The following CDK15 variants were observed in gnomAD, a reference collection of about 807,000 sequenced individuals.
The protein encoded by CDK15 is cyclin dependent kinase 15, also known as cyclin-dependent kinase 15.
CDK15 carries 62 observed loss-of-function variants against 60.3 expected under a neutral mutation model. The observed-to-expected ratio is 1.03, with a 90% CI of 0.84 to 1.27. The LOEUF is 1.27. Ranked by LOEUF, CDK15 falls within the 50% of genes most tolerant of loss-of-function variation. CDK15 has a pLI of 0.00. For synonymous variants in CDK15, 194 were observed against 195.7 expected, an observed-to-expected ratio of 0.99 and a Z score of 0.07; for missense variants, 541 against 527.8, an observed-to-expected ratio of 1.03 and a Z score of -0.25.
intron 11 of CDK15, chr2:201,876,596 T>C (rs1411798642): frequency 7.8e-7 from 1 of 1,287,624 alleles, no homozygotes; most frequent in Admixed American, 2.3e-5. Flanking sequence ...AGAAGCAAAG[T>C]GCAGCAGTCA....
In CDK15 at chr2:201,835,698, C is replaced by G; in HGVS notation, c.786C>G (p.Thr262=). The stretch of plus-strand genomic sequence containing the variant: ...AGACATACTCTTCAGAAGTCGTGAC[C>G]CTCTGGTACCGGCCCCCTGATGCTT... ...PSQTYSSEVV[T]LWYRPPDALL... is the part of the protein sequence containing the mutation. The change falls in exon 8 of 14, where the codon ACC becomes ACG. Residue 262 remains threonine (T), a synonymous_variant. Transcript: ENST00000652192. 1 of 1,611,372 alleles carries G rather than the reference C, an allele frequency of 6.2e-7. No individual in the cohort carries two copies.
intron 12 of CDK15, among the ~76,000 whole-genome samples, chr2:201,888,033 CTTTTTT>C (rs80136808): frequency 2.4e-5 from 3 of 126,444 alleles, no homozygotes; most frequent in Admixed American, 8.1e-5. Flanking sequence ...AATTTTCAAC[CTTTTTT>C]TTTTTTTTTT....
At chr2:201,836,010 T>TTA (rs1237873883) in intron 8 of CDK15, among the ~76,000 whole-genome samples, 3 of 114,048 alleles carry the variant, frequency 2.6e-5, no homozygotes, top group Non-Finnish European at 5.2e-5. Flanking sequence ...ATTTATATTT[T>TTA]TATATTTTTA....
intron 1 of CDK15, among the ~76,000 whole-genome samples, chr2:201,807,067 C>T (rs1695542951): frequency 6.6e-6 from 1 of 152,082 alleles, no homozygotes; most frequent in Non-Finnish European, 1.5e-5. Context: ...TCCTAAATTA[C>T]AGAGCTGAAA....
chr2:201,886,368 C>G (rs1574943852), intron 12 of CDK15, among the ~76,000 whole-genome samples: 2 of 151,500 alleles, frequency 1.3e-5, no homozygotes, highest in Admixed American at 1.3e-4. Context: ...TCTTGTCGCC[C>G]AGGCTGGAGC....
chr2:201,856,705 C>T (rs190975901), intron 10 of CDK15, among the ~76,000 whole-genome samples: 20 of 152,206 alleles, frequency 1.3e-4, no homozygotes, highest in African/African-American at 4.6e-4. Flanking sequence ...ACTGAGAATG[C>T]CAGCAGAAGT....
intron 6 of CDK15, 129 bp from the exon 7 acceptor site, chr2:201,833,719 T>TTCTTCTTC (rs1559124099): frequency 2.0e-5 from 7 of 350,238 alleles, no homozygotes; most frequent in Admixed American, 1.5e-4. Flanking sequence ...TCTTCTTCTT[T>TTCTTCTTC]TTTTTTTTTT....
At chr2:201,846,593 C>G (rs1409696933) in intron 8 of CDK15, among the ~76,000 whole-genome samples, 1 of 150,188 alleles carries the variant, frequency 6.7e-6, no homozygotes, top group African/African-American at 2.5e-5. Flanking sequence ...TCCTAGGAAC[C>G]AAATGGTTGT....
At chr2:201,834,391 T>C (rs1312586159) in intron 7 of CDK15, among the ~76,000 whole-genome samples, 13 of 152,212 alleles carry the variant, frequency 8.5e-5, no homozygotes, top group Admixed American at 8.5e-4. Flanking sequence ...CCAGGACACT[T>C]GTTCCTGCTC....
chr2:201,877,163 G>A (rs1327961550), intron 11 of CDK15, among the ~76,000 whole-genome samples: 1 of 152,012 alleles, frequency 6.6e-6, no homozygotes, highest in African/African-American at 2.4e-5. Context: ...AGCCTTTCTT[G>A]GCTTCCCCAG....
intron 8 of CDK15, among the ~76,000 whole-genome samples, chr2:201,837,499 GA>G (rs1697180676): frequency 6.8e-6 from 1 of 147,450 alleles, no homozygotes; most frequent in Non-Finnish European, 1.5e-5. Context: ...AGGAAGGAAG[GA>G]AGGAAGGAAG....
At position 201,893,448 on chromosome 2, in the gene CDK15, T is replaced by C. The variant is rs989992617; in HGVS notation, c.*181T>C. On this transcript the variant is annotated 3_prime_UTR_variant, in exon 14 of 14. Transcript: ENST00000652192. Reference sequence around the variant, plus strand: ...TGTTCAAGGCAATAGTACATAATAGTGGAAGAAAATTCAGTGGAAGGTTAT... The same window carrying C: ...TGTTCAAGGCAATAGTACATAATAGCGGAAGAAAATTCAGTGGAAGGTTAT... 3 of 152,214 alleles carry C rather than the reference T, an allele frequency of 2.0e-5. No individual in the cohort carries two copies. The highest frequency in any genetic ancestry group is 7.2e-5 in the African/African-American group (3 of 41,450). 9.4% of individuals were successfully genotyped at this position (152,214 alleles called of 1,614,324 possible). A position where few individuals can be genotyped will look rare whatever the true frequency, so the allele number is the denominator to read the frequency against.
At position 201,833,898 on chromosome 2, in the gene CDK15, C is replaced by T. The variant is rs142697496; in HGVS notation, c.657C>T (p.His219=). Reference sequence around the variant, plus strand: ...GCCTGGCGTACATCCACCACCAACACGTTCTTCACAGGGACCTGAAACCTC... The same window carrying T: ...GCCTGGCGTACATCCACCACCAACATGTTCTTCACAGGGACCTGAAACCTC... The part of the protein sequence containing the change: ...LRGLAYIHHQ[H]VLHRDLKPQN... Residue 219 remains histidine (H), a synonymous_variant, in exon 7 of 14, where the codon CAC becomes CAT. Coordinates refer to ENST00000652192, the MANE Select transcript of CDK15 (RefSeq NM_001366386.2). 7.4e-5 allele frequency: 120 copies of T among 1,613,878 alleles called. 1 individual carries two copies. The highest frequency in any genetic ancestry group is 9.9e-5 in the Non-Finnish European group (117 of 1,179,984).
chr2:201,894,763 C>G lies in CDK15; in HGVS notation c.*1496C>G, dbSNP rs972640507. 1 of 152,148 alleles carries G rather than the reference C, an allele frequency of 6.6e-6. No homozygotes were observed. Among genetic ancestry groups the G allele is most frequent in the Admixed American group, 6.6e-5 (1 of 15,262 alleles). The allele number at this position is 152,148 out of a possible 1,614,324, so 9.4% of individuals were successfully genotyped here. ...ACCTCAGACCTGGTTCTCCAATGTT[C>G]CTGACACCTATCGAATTTAGAGAAT... On this transcript the variant is annotated 3_prime_UTR_variant, in exon 14 of 14. Coordinates refer to ENST00000652192, the MANE Select transcript of CDK15 (RefSeq NM_001366386.2).
At chr2:201,853,927 C>T (rs1353684551) in intron 9 of CDK15, among the ~76,000 whole-genome samples, 1 of 151,870 alleles carries the variant, frequency 6.6e-6, no homozygotes, top group East Asian at 1.9e-4. Flanking sequence ...TTTGGGAGGC[C>T]GAGGTGGGCA....
intron 8 of CDK15, among the ~76,000 whole-genome samples, chr2:201,839,762 A>G (rs1228563178): frequency 6.6e-6 from 1 of 152,192 alleles, no homozygotes; most frequent in Admixed American, 6.5e-5. Flanking sequence ...AGGATATAAG[A>G]GAGTTCTTTA....
chr2:201,848,118 A>G (rs1195556276), intron 9 of CDK15, among the ~76,000 whole-genome samples: 1 of 152,132 alleles, frequency 6.6e-6, no homozygotes, highest in Admixed American at 6.5e-5. Context: ...CAAAAAAAAG[A>G]CACAAAATTT....
intron 10 of CDK15, chr2:201,861,629 C>T (rs900403495): frequency 2.9e-6 from 2 of 689,550 alleles, no homozygotes; most frequent in African/African-American, 2.1e-5. Flanking sequence ...GGCATGATCT[C>T]GGCTCACCGC....
chr2:201,883,768 C>T (rs1264422061), intron 12 of CDK15, among the ~76,000 whole-genome samples: 1 of 152,238 alleles, frequency 6.6e-6, no homozygotes, highest in Non-Finnish European at 1.5e-5. Context: ...TATGGCCACA[C>T]TTGTGGTCCT....
Sources: allele counts gnomAD v4.1 joint callset (sites outside exome capture counted in the v4.1 genomes callset), GRCh38; gene constraint gnomAD v4.1.1; transcripts MANE v1.5; gene names NCBI Gene and HGNC (gene_info 2026-07-23, HGNC 2026-07-21).